RHOA: variants seen among roughly 807,000 people sequenced by gnomAD.
RHOA encodes transforming protein RhoA.
In RHOA, 3 loss-of-function variants were observed where a neutral mutation model predicts 17.5. That is an observed-to-expected ratio of 0.17 (90% CI 0.08 to 0.44). RHOA has a LOEUF of 0.44. Among genes scored for constraint, RHOA ranks in the 20% least tolerant of loss-of-function variants. The pLI, the probability that RHOA is intolerant of heterozygous loss-of-function variation, is 0.99. For missense variants in RHOA, 56 were observed against 242.3 expected, an observed-to-expected ratio of 0.23 and a Z score of 5.10; for synonymous variants, 98 against 88.4, an observed-to-expected ratio of 1.11 and a Z score of -0.61.
At chr3:49,399,140 C>T (rs1367930000) in intron 1 of RHOA, among the ~76,000 whole-genome samples, 2 of 147,996 alleles carry the variant, frequency 1.4e-5, no homozygotes, top group Non-Finnish European at 3.0e-5. Flanking sequence ...GAGGCCGAGG[C>T]AGGCAGATCA....
intron 1 of RHOA, among the ~76,000 whole-genome samples, chr3:49,409,569 A>G (rs1316632795): frequency 6.6e-6 from 1 of 152,144 alleles, no homozygotes. Flanking sequence ...CTTTCTTCTC[A>G]GAGTTAACAT....
intron 1 of RHOA, among the ~76,000 whole-genome samples, chr3:49,380,246 CA>C (rs1159096992): frequency 6.6e-6 from 1 of 152,154 alleles, no homozygotes; most frequent in Non-Finnish European, 1.5e-5. Context: ...CTGGAAGAAC[CA>C]AAAGGTAAAA....
intron 2 of RHOA, among the ~76,000 whole-genome samples, chr3:49,370,921 C>G (rs1251516155): frequency 1.3e-5 from 2 of 152,168 alleles, no homozygotes; most frequent in East Asian, 3.8e-4. Flanking sequence ...CTCTTCCACC[C>G]CCGAACTTTT....
intron 1 of RHOA, among the ~76,000 whole-genome samples, chr3:49,401,401 C>T (rs1490751962): frequency 6.6e-6 from 1 of 151,842 alleles, no homozygotes; most frequent in African/African-American, 2.4e-5. Context: ...GCCTATAATC[C>T]CAGCACTTTG....
chr3:49,365,588 C>CTTTTT (rs62741361), intron 3 of RHOA, among the ~76,000 whole-genome samples: 1 of 124,972 alleles, frequency 8.0e-6, no homozygotes, highest in African/African-American at 2.9e-5. Context: ...AATTTTCAAA[C>CTTTTT]TTTTTTTTTT....
intron 1 of RHOA, among the ~76,000 whole-genome samples, chr3:49,383,839 G>C (rs756343044): frequency 6.6e-6 from 1 of 152,014 alleles, no homozygotes; most frequent in Non-Finnish European, 1.5e-5. Context: ...AGACCAGCCT[G>C]GCAAACATGG....
chr3:49,364,129 C>A (rs766475802), intron 3 of RHOA, among the ~76,000 whole-genome samples: 2 of 151,796 alleles, frequency 1.3e-5, no homozygotes, highest in Non-Finnish European at 2.9e-5. Context: ...GCAGGTGGAT[C>A]GCGTTAGGTC....
chr3:49,361,809 A>G (rs1415209806), intron 4 of RHOA, among the ~76,000 whole-genome samples: 1 of 152,196 alleles, frequency 6.6e-6, no homozygotes, highest in Non-Finnish European at 1.5e-5. Context: ...TAAACCTTGG[A>G]GGCTGAGGTT....
chr3:49,395,330 T>C (rs1042250299), intron 1 of RHOA, among the ~76,000 whole-genome samples: 1 of 151,906 alleles, frequency 6.6e-6, no homozygotes, highest in Non-Finnish European at 1.5e-5. Flanking sequence ...CCAGAGGATA[T>C]GGTATGTCAT....
intron 1 of RHOA, among the ~76,000 whole-genome samples, chr3:49,390,995 G>C (rs1182667835): frequency 1.3e-5 from 2 of 151,738 alleles, no homozygotes; most frequent in African/African-American, 4.8e-5. Flanking sequence ...GAGGCAGGAG[G>C]ATCACGAGGT....
chr3:49,391,389 CAAAAA>C (rs71627384), intron 1 of RHOA, among the ~76,000 whole-genome samples: 1 of 123,096 alleles, frequency 8.1e-6, no homozygotes, highest in South Asian at 2.6e-4. Flanking sequence ...GAGAATCCGT[CAAAAA>C]AAAAAAAAAA....
At chr3:49,391,044 C>G (rs1387770522) in intron 1 of RHOA, among the ~76,000 whole-genome samples, 3 of 151,460 alleles carry the variant, frequency 2.0e-5, no homozygotes, top group Non-Finnish European at 4.4e-5. Flanking sequence ...CGGTGAAACC[C>G]CGTCTCTACT....
chr3:49,366,095 T>G (rs2048050389), intron 3 of RHOA, among the ~76,000 whole-genome samples: 1 of 152,118 alleles, frequency 6.6e-6, no homozygotes, highest in Non-Finnish European at 1.5e-5. Flanking sequence ...AATGTTTTGC[T>G]CTGGAGGCAG....
chr3:49,384,236 C>T (rs2048362125), intron 1 of RHOA, among the ~76,000 whole-genome samples: 1 of 152,132 alleles, frequency 6.6e-6, no homozygotes, highest in Non-Finnish European at 1.5e-5. Context: ...CACAGAAAAT[C>T]AAACTTGCTG....
chr3:49,382,971 T>C (rs1464161008), intron 1 of RHOA, among the ~76,000 whole-genome samples: 1 of 151,294 alleles, frequency 6.6e-6, no homozygotes, highest in East Asian at 2.0e-4. Context: ...GGAGAATCAC[T>C]TGAACACAGG....
intron 2 of RHOA, among the ~76,000 whole-genome samples, chr3:49,373,523 G>A (rs1413560888): frequency 6.6e-6 from 1 of 152,220 alleles, no homozygotes; most frequent in African/African-American, 2.4e-5. Flanking sequence ...CACTTCAAAA[G>A]ATGTATAGGA....
intron 1 of RHOA, among the ~76,000 whole-genome samples, chr3:49,402,569 G>A (rs1018823680): frequency 5.3e-5 from 8 of 152,002 alleles, no homozygotes; most frequent in Admixed American, 6.6e-5. Context: ...AGATGCTCAT[G>A]AGGCTGAGGC....
chr3:49,373,738 A>C (rs2048180701), intron 2 of RHOA, among the ~76,000 whole-genome samples: 1 of 152,128 alleles, frequency 6.6e-6, no homozygotes, highest in African/African-American at 2.4e-5. Context: ...CAAGAGTTCA[A>C]GGCTGCATGA....
At chr3:49,371,286 T>C (rs1435181745) in intron 2 of RHOA, among the ~76,000 whole-genome samples, 4 of 151,960 alleles carry the variant, frequency 2.6e-5, no homozygotes, top group Admixed American at 1.3e-4. Flanking sequence ...CTACTGTTTT[T>C]TTTTTTTTTT....
Sources: gnomAD v4.1 joint callset for allele counts (sites outside exome capture counted in the v4.1 genomes callset) on GRCh38, gnomAD v4.1.1 for gene constraint, MANE v1.5 for transcripts, NCBI Gene and HGNC (gene_info 2026-07-23, HGNC 2026-07-21) for gene names.